Variants in KHDRBS2 observed in about 807,000 individuals in gnomAD.
The protein encoded by KHDRBS2 is KH domain-containing, RNA-binding, signal transduction-associated protein 2.
Under a neutral mutation model 44.3 loss-of-function variants are expected in KHDRBS2, and 26 were observed. The observed-to-expected ratio is 0.59, with a 90% CI of 0.43 to 0.81. The LOEUF (loss-of-function observed/expected upper bound fraction) is 0.81. Ranked by LOEUF, KHDRBS2 falls within the 40% of genes least tolerant of loss-of-function variation. The pLI is 0.00. For synonymous variants in KHDRBS2, 194 were observed against 151.1 expected (o/e 1.28, Z -2.08); for missense variants, 476 against 433.1 (o/e 1.10, Z -0.88).
At chr6:61,858,424 T>A (rs1375487833) in intron 6 of KHDRBS2, among the ~76,000 whole-genome samples, 1 of 151,854 alleles carries the variant, frequency 6.6e-6, no homozygotes, top group African/African-American at 2.4e-5. Flanking sequence ...CAATATTAGT[T>A]TTTTTCTGTA....
At chr6:61,673,802 A>G in the KHDRBS2 span, among the ~76,000 whole-genome samples, 415 of 143,806 alleles carry the variant, frequency 2.9e-3, 4 homozygotes, top group African/African-American at 0.01. Context: ...AGAACATTCC[A>G]TGCTCATGGG....
intron 6 of KHDRBS2, among the ~76,000 whole-genome samples, chr6:61,852,092 G>T (rs900948931): frequency 1.3e-5 from 2 of 151,662 alleles, no homozygotes; most frequent in Admixed American, 6.6e-5. Context: ...CATAGTAGTG[G>T]ATGCCTGTAA....
chr6:61,704,903 A>G (rs1314746123), intron 7 of KHDRBS2, among the ~76,000 whole-genome samples: 3 of 151,922 alleles, frequency 2.0e-5, no homozygotes, highest in South Asian at 2.1e-4. Context: ...TTGTTAAATT[A>G]AAACGTGAGA....
intron 4 of KHDRBS2, among the ~76,000 whole-genome samples, chr6:61,947,871 G>C (rs1204014714): frequency 6.7e-6 from 1 of 148,656 alleles, no homozygotes; most frequent in East Asian, 2.0e-4. Context: ...TTTCAGTTAG[G>C]AACAAAAACC....
intron 6 of KHDRBS2, among the ~76,000 whole-genome samples, chr6:61,781,587 TATTTC>T (rs1316352821): frequency 1.3e-5 from 2 of 152,228 alleles, no homozygotes; most frequent in African/African-American, 2.4e-5. Flanking sequence ...TCTCCCTGTT[TATTTC>T]ATTTATGTAT....
chr6:61,598,249 C>T, the KHDRBS2 span, among the ~76,000 whole-genome samples: 1 of 151,430 alleles, frequency 6.6e-6, no homozygotes, highest in Non-Finnish European at 1.5e-5. Flanking sequence ...AGATATAAAC[C>T]AAAGTTTTAA....
chr6:61,952,752 C>T (rs1234647201), intron 4 of KHDRBS2, among the ~76,000 whole-genome samples: 1 of 151,976 alleles, frequency 6.6e-6, no homozygotes, highest in African/African-American at 2.4e-5. Flanking sequence ...AAGTGCATTA[C>T]ACATGTTCTC....
chr6:61,955,322 G>GTA (rs1491223749), intron 4 of KHDRBS2, among the ~76,000 whole-genome samples: 1 of 138,204 alleles, frequency 7.2e-6, no homozygotes, highest in Non-Finnish European at 1.6e-5. Context: ...ATACATATAC[G>GTA]TGTATATATA....
At chr6:61,891,268 T>C (rs1801787343) in intron 6 of KHDRBS2, among the ~76,000 whole-genome samples, 2 of 152,194 alleles carry the variant, frequency 1.3e-5, no homozygotes, top group South Asian at 4.1e-4. Context: ...CTTGCATCAG[T>C]TAAATTTAAT....
At chr6:62,035,511 G>T (rs1009861992) in intron 3 of KHDRBS2, among the ~76,000 whole-genome samples, 1 of 152,002 alleles carries the variant, frequency 6.6e-6, no homozygotes, top group Admixed American at 6.6e-5. Flanking sequence ...GTTAGTGGCT[G>T]TGGGGAAAGG....
At chr6:61,587,252 A>C in the KHDRBS2 span, among the ~76,000 whole-genome samples, 1 of 152,160 alleles carries the variant, frequency 6.6e-6, no homozygotes, top group African/African-American at 2.4e-5. Context: ...CAAATATACT[A>C]GCATGCGTAT....
chr6:62,234,773 A>C (rs765047986), intron 1 of KHDRBS2, among the ~76,000 whole-genome samples: 1 of 151,960 alleles, frequency 6.6e-6, no homozygotes, highest in Non-Finnish European at 1.5e-5. Flanking sequence ...AGAACTTCTA[A>C]CACCACCACA....
chr6:62,106,497 C>T (rs1803365273), intron 2 of KHDRBS2, among the ~76,000 whole-genome samples: 1 of 152,056 alleles, frequency 6.6e-6, no homozygotes, highest in Non-Finnish European at 1.5e-5. Flanking sequence ...GGATAGTTAG[C>T]TATTCTTGGT....
At chr6:61,752,066 A>C (rs1306263484) in intron 6 of KHDRBS2, among the ~76,000 whole-genome samples, 2 of 152,164 alleles carry the variant, frequency 1.3e-5, no homozygotes, top group Non-Finnish European at 2.9e-5. Flanking sequence ...TCTCGAAAAC[A>C]GTAACATTCT....
chr6:61,848,527 A>ATG (rs1794875687), intron 6 of KHDRBS2, among the ~76,000 whole-genome samples: 10 of 56,802 alleles, frequency 1.8e-4, no homozygotes, highest in South Asian at 5.9e-4. Context: ...ATGTATATAT[A>ATG]TATACATATA....
chr6:61,581,006 G>C, the KHDRBS2 span, among the ~76,000 whole-genome samples: 1 of 152,048 alleles, frequency 6.6e-6, no homozygotes, highest in Non-Finnish European at 1.5e-5. Context: ...ACATAATATA[G>C]AAGGTAAGCA....
At chr6:61,934,709 T>C (rs374409724) in intron 4 of KHDRBS2, among the ~76,000 whole-genome samples, 83 of 152,302 alleles carry the variant, frequency 5.4e-4, no homozygotes, top group African/African-American at 1.9e-3. Context: ...TGTATTATTA[T>C]TACTTTAGTG....
chr6:61,699,730 GGGGCAGAGAGAACTTT>G (rs1177839283), intron 7 of KHDRBS2, among the ~76,000 whole-genome samples: 2 of 152,004 alleles, frequency 1.3e-5, no homozygotes, highest in Non-Finnish European at 2.9e-5. Flanking sequence ...GATAAAAAGA[GGGGCAGAGAGAACTTT>G]GGTCATCCTT....
intron 3 of KHDRBS2, among the ~76,000 whole-genome samples, chr6:62,010,057 A>C (rs1483927620): frequency 6.6e-6 from 1 of 152,132 alleles, no homozygotes; most frequent in Non-Finnish European, 1.5e-5. Context: ...GAGCCTGGAA[A>C]AGTGGTAGAC....
Sources: gnomAD v4.1 joint callset for allele counts (sites outside exome capture counted in the v4.1 genomes callset) on GRCh38, gnomAD v4.1.1 for gene constraint, MANE v1.5 for transcripts, NCBI Gene and HGNC (gene_info 2026-07-23, HGNC 2026-07-21) for gene names.